The following CCDC69 variants were observed in gnomAD, a reference collection of about 807,000 sequenced individuals.
The protein encoded by CCDC69 is coiled-coil domain containing 69.
In CCDC69, 38 loss-of-function variants were observed where a neutral mutation model predicts 40.3. The ratio of observed to expected loss-of-function variants is 0.94; its 90% CI spans 0.73 to 1.24. CCDC69 has a LOEUF of 1.24. Ranked by LOEUF, CCDC69 falls within the 50% of genes most tolerant of loss-of-function variation. The pLI is 0.00. For synonymous variants in CCDC69, 141 were observed against 138.9 expected (o/e 1.02, Z -0.11); for missense variants, 389 against 357.9 (o/e 1.09, Z -0.70).
At chr5:151,206,004 A>G (rs1437279820) in intron 1 of CCDC69, among the ~76,000 whole-genome samples, 2 of 152,132 alleles carry the variant, frequency 1.3e-5, no homozygotes, top group Admixed American at 1.3e-4. Context: ...TGCAGCAGAC[A>G]TCAGCTGGGT....
At chr5:151,211,779 C>T (rs1423655412) in intron 1 of CCDC69, among the ~76,000 whole-genome samples, 5 of 152,126 alleles carry the variant, frequency 3.3e-5, no homozygotes, top group Non-Finnish European at 5.9e-5. Flanking sequence ...CCACCTCAGC[C>T]TCCCAAAGTG....
chr5:151,182,763 C>G lies in CCDC69; in HGVS notation c.*674G>C. 1 of 324,062 alleles carries G rather than the reference C, an allele frequency of 3.1e-6. No individual in the cohort carries two copies. Among genetic ancestry groups the G allele is most frequent in the South Asian group, 2.5e-5 (1 of 40,436 alleles). The allele number at this position is 324,062 out of a possible 1,614,324, so 20.1% of individuals were successfully genotyped here. A position where few individuals can be genotyped will look rare whatever the true frequency, so the allele number is the denominator to read the frequency against. The stretch of plus-strand genomic sequence containing the variant: ...GCTCTGGCTACTGTCCCTTGGTGGA[C>G]ACGACTCTGGCCCAGGAATGATGCC... On this transcript the variant is annotated 3_prime_UTR_variant, in exon 9 of 9. Coordinates refer to ENST00000355417, the MANE Select transcript of CCDC69 (RefSeq NM_015621.3).
Position 151,201,668 on chromosome 5 carries a change from C to T in CCDC69, c.145G>A (p.Ala49Thr). 6.2e-7 allele frequency: 1 copy of T among 1,612,422 alleles called. No homozygotes were observed. The highest frequency in any genetic ancestry group is 8.5e-7 in the Non-Finnish European group (1 of 1,178,918). ...GDTAITVQLCASEEAERHQKD... is the reference protein window; with the variant it reads ...GDTAITVQLCTSEEAERHQKD... ...TGGTGCCGCTCAGCCTCCTCTGATG[C>T]ACAGAGCTGGACAGTTATAGCTAGA... is the stretch of plus-strand genomic sequence containing the variant. Residue 49 changes from alanine (A) to threonine (T), a missense_variant, in exon 3 of 9, where the codon GCA (alanine) becomes ACA (threonine). Coordinates refer to ENST00000355417, the MANE Select transcript of CCDC69 (RefSeq NM_015621.3).
intron 4 of CCDC69, among the ~76,000 whole-genome samples, chr5:151,190,157 A>G (rs1412839577): frequency 6.6e-6 from 1 of 152,250 alleles, no homozygotes; most frequent in Non-Finnish European, 1.5e-5. Context: ...AGGAAGAGTA[A>G]CAGAACTGGT....
intron 4 of CCDC69, among the ~76,000 whole-genome samples, chr5:151,198,162 A>C (rs949967382): frequency 3.3e-5 from 5 of 152,218 alleles, no homozygotes; most frequent in African/African-American, 1.2e-4. Context: ...CGGTCTATCT[A>C]TCATTAAATT....
Position 151,183,089 on chromosome 5 carries a change from G to C in CCDC69, c.*348C>G, listed in dbSNP as rs1345448992. On this transcript the variant is annotated 3_prime_UTR_variant, in exon 9 of 9. Coordinates refer to ENST00000355417, the MANE Select transcript of CCDC69 (RefSeq NM_015621.3). ...AGCAGAGCTGACAAGCTGGGACCAG[G>C]GGCTGTCTCCTTTATGTCAAATGGC... 6.1e-6 allele frequency: 3 copies of C among 490,698 alleles called. No individual in the cohort carries two copies. The highest frequency in any genetic ancestry group is 1.2e-5 in the Non-Finnish European group (3 of 249,740). 30.4% of individuals were successfully genotyped at this position (490,698 alleles called of 1,614,324 possible).
intron 6 of CCDC69, 62 bp from the exon 7 acceptor site, chr5:151,185,603 C>A: frequency 6.4e-7 from 1 of 1,572,766 alleles, no homozygotes; most frequent in Non-Finnish European, 8.7e-7. Flanking sequence ...CCCATTCTGC[C>A]AGCAACTCAT....
rs1393255005 is a variant in CCDC69, at chr5:151,205,429, T to C, written c.95A>G (p.His32Arg). 1.2e-6 allele frequency: 2 copies of C among 1,614,084 alleles called. No individual in the cohort carries two copies. The highest frequency in any genetic ancestry group is 1.1e-5 in the South Asian group (1 of 91,068). The change falls in exon 2 of 9, where the codon CAT becomes CGT. Residue 32 changes from histidine to arginine, a missense_variant. Physicochemically the swap from His to Arg is conservative, Grantham distance 29. Coordinates refer to ENST00000355417, the MANE Select transcript of CCDC69 (RefSeq NM_015621.3). ...EPEQPPRPEP[H>R]ELGPLNGDTA... ...GTCCCCATTGAGGGGACCTAATTCA[T>C]GGGGCTCTGGTCTGGGTGGCTGTTC...
chr5:151,212,014 T>C (rs1010079199), intron 1 of CCDC69: 1 of 18,074 alleles, frequency 5.5e-5, no homozygotes, highest in Non-Finnish European at 1.0e-4. Flanking sequence ...TGGGTGGTGG[T>C]GGTGGGGGGG....
At position 151,183,259 on chromosome 5, in the gene CCDC69, G is replaced by A. The variant is rs1223057684; in HGVS notation, c.*178C>T. The A allele has an allele frequency of 1.3e-6, 1 of 766,532 alleles. No homozygotes were observed. Among genetic ancestry groups the A allele is most frequent in the East Asian group, 2.7e-5 (1 of 37,320 alleles). 47.5% of individuals were successfully genotyped at this position (766,532 alleles called of 1,614,324 possible). ...CTTCTCGGGGCCTCCAAAACCCTGT[G>A]GGTGATTCCATGTAACTCAAGGCCC... On this transcript the variant is annotated 3_prime_UTR_variant, in exon 9 of 9. Coordinates refer to ENST00000355417, the MANE Select transcript of CCDC69 (RefSeq NM_015621.3).
chr5:151,185,297 G>A (rs1752479422), intron 7 of CCDC69, 125 bp downstream of exon 7: 2 of 1,097,382 alleles, frequency 1.8e-6, no homozygotes. Flanking sequence ...CAGGTGGCAG[G>A]TCAAAGCTGG....
At chr5:151,208,365 A>G (rs1156600136) in intron 1 of CCDC69, among the ~76,000 whole-genome samples, 1 of 152,250 alleles carries the variant, frequency 6.6e-6, no homozygotes, top group African/African-American at 2.4e-5. Context: ...TCTAGAAAGC[A>G]TGCTTCTCAC....
intron 1 of CCDC69, among the ~76,000 whole-genome samples, chr5:151,213,468 G>A (rs1752982885): frequency 6.6e-6 from 1 of 151,320 alleles, no homozygotes; most frequent in Non-Finnish European, 1.5e-5. Context: ...TAGCCAGGAT[G>A]GTCTCAATCT....
chr5:151,186,564 A>G (rs1752522862), intron 5 of CCDC69, among the ~76,000 whole-genome samples: 2 of 152,030 alleles, frequency 1.3e-5, no homozygotes, highest in Non-Finnish European at 2.9e-5. Context: ...GTCCTGCTAT[A>G]AAAGATGGTT....
chr5:151,188,490 A>G (rs900469726), intron 4 of CCDC69, among the ~76,000 whole-genome samples: 4 of 152,062 alleles, frequency 2.6e-5, no homozygotes, highest in African/African-American at 9.7e-5. Flanking sequence ...CTGTAGTCCC[A>G]GCTACTCAGG....
chr5:151,192,087 G>GAAAAAAAAAAAAAAAAAAAAGAAAGAAAA (rs34310340), intron 4 of CCDC69, among the ~76,000 whole-genome samples: 1 of 38,802 alleles, frequency 2.6e-5, no homozygotes, highest in Non-Finnish European at 4.2e-5. Context: ...CCTGTCTCAG[G>GAAAAAAAAAAAAAAAAAAAAGAAAGAAAA]AAAAAAAAAA....
At chr5:151,207,030 A>T (rs1340721934) in intron 1 of CCDC69, among the ~76,000 whole-genome samples, 3 of 151,874 alleles carry the variant, frequency 2.0e-5, no homozygotes, top group Non-Finnish European at 4.4e-5. Context: ...GGTTCAAGTG[A>T]TCCTCAGCCT....
At position 151,183,575 on chromosome 5, in the gene CCDC69, C is replaced by T; in HGVS notation, c.753G>A (p.Leu251=). Residue 251 remains leucine, a synonymous_variant, in exon 9 of 9, where the codon CTG becomes CTA. Coordinates refer to ENST00000355417, the MANE Select transcript of CCDC69 (RefSeq NM_015621.3). Reference sequence around the variant, plus strand: ...GTCGCCGCAGCTGCACCTCCTTCTCCAGGGCCTCACGCGTGAGAAGCAGGT... The same window carrying T: ...GTCGCCGCAGCTGCACCTCCTTCTCTAGGGCCTCACGCGTGAGAAGCAGGT... The part of the protein sequence containing the change: ...SEDLLLTREA[L]EKEVQLRRQL... 6.2e-7 allele frequency: 1 copy of T among 1,612,676 alleles called. No individual in the cohort carries two copies. Among genetic ancestry groups the T allele is most frequent in the Non-Finnish European group, 8.5e-7 (1 of 1,179,624 alleles).
chr5:151,211,904 G>T (rs1271887348), intron 1 of CCDC69, among the ~76,000 whole-genome samples: 1 of 152,042 alleles, frequency 6.6e-6, no homozygotes, highest in Middle Eastern at 3.4e-3. Flanking sequence ...GAGCTAGGTA[G>T]GTCTCAACAA....
Sources: gnomAD v4.1 joint callset for allele counts (sites outside exome capture counted in the v4.1 genomes callset) on GRCh38, gnomAD v4.1.1 for gene constraint, MANE v1.5 for transcripts, NCBI Gene and HGNC (gene_info 2026-07-23, HGNC 2026-07-21) for gene names.